Variants in RBBP5 observed in about 807,000 individuals in gnomAD.
RBBP5 encodes retinoblastoma-binding protein 5.
A neutral mutation model predicts 72.2 loss-of-function variants in RBBP5; 5 were observed. The ratio of observed to expected loss-of-function variants is 0.07; its 90% CI spans 0.04 to 0.15. RBBP5 has a LOEUF of 0.15. RBBP5 is among the 10% of genes least tolerant of loss of function. The pLI is 1.00. For missense variants in RBBP5, 322 were observed against 652.2 expected, an observed-to-expected ratio of 0.49 and a Z score of 5.51; for synonymous variants, 209 against 237.2, an observed-to-expected ratio of 0.88 and a Z score of 1.09.
At position 205,101,631 on chromosome 1, in the gene RBBP5, T is replaced by A; in HGVS notation, c.601A>T (p.Ile201Phe). 2 of 1,613,144 alleles carry A rather than the reference T, an allele frequency of 1.2e-6. No individual in the cohort carries two copies. The highest frequency in any genetic ancestry group is 1.7e-6 in the Non-Finnish European group (2 of 1,179,574). Reference protein sequence around the residue: ...VTTGTSNTTAIKSIEFARKGS... With the variant: ...VTTGTSNTTAFKSIEFARKGS... ...TTCCGGGCAAACTCAATTGACTTAA[T>A]GGCTGTGGTATTGCTTGTTCCAGTT... The change falls in exon 6 of 14, where the codon ATT (isoleucine) becomes TTT (phenylalanine). Residue 201 changes from isoleucine (I) to phenylalanine (F), a missense_variant. Ile to Phe is a conservative substitution (Grantham distance 21). Coordinates refer to ENST00000264515, the MANE Select transcript of RBBP5 (RefSeq NM_005057.4).
chr1:205,097,038 C>A (rs1655646038), intron 11 of RBBP5, 127 bp from the exon 12 acceptor site: 2 of 823,690 alleles, frequency 2.4e-6, no homozygotes, highest in Admixed American at 3.0e-5. Flanking sequence ...TTAAGAAAGC[C>A]AAGAAGAATA....
intron 1 of RBBP5, among the ~76,000 whole-genome samples, chr1:205,120,214 T>G (rs1558584821): frequency 1.3e-5 from 2 of 152,228 alleles, no homozygotes; most frequent in South Asian, 4.1e-4. Flanking sequence ...GGTTTTACAC[T>G]CCTCCAAAAC....
At chr1:205,121,468 A>G (rs1656734529) in intron 1 of RBBP5, among the ~76,000 whole-genome samples, 1 of 152,132 alleles carries the variant, frequency 6.6e-6, no homozygotes, top group Non-Finnish European at 1.5e-5. Context: ...TTTCTACAAA[A>G]AGATTAACCT....
At chr1:205,093,515 TATATATATATATATATATAC>T (rs1558570419) in intron 13 of RBBP5, among the ~76,000 whole-genome samples, 21 of 13,660 alleles carry the variant, frequency 1.5e-3, no homozygotes, top group African/African-American at 9.8e-3. Context: ...TATATATATA[TATATATATATATATATATAC>T]ACACACACAC....
chr1:205,107,869 C>T (rs1381443369), intron 3 of RBBP5, among the ~76,000 whole-genome samples: 2 of 150,312 alleles, frequency 1.3e-5, no homozygotes, highest in Admixed American at 6.7e-5. Flanking sequence ...TCGCTTGAAA[C>T]CAGGAGGCAG....
Position 205,088,800 on chromosome 1 carries a change from G to A in RBBP5, c.1604C>T (p.Ser535Leu), listed in dbSNP as rs1476223059. 6.3e-7 allele frequency: 1 copy of A among 1,590,078 alleles called. No individual in the cohort carries two copies. The highest frequency in any genetic ancestry group is 1.8e-5 in the Admixed American group (1 of 54,810). ...SQPLTAGGAI[S>L]ELL Reference sequence around the variant, plus strand: ...CTTCGAAGGTCTTCATAACAGTTCTGAGATTGCTCCTCCTGCTAAAGAGAT... The same window carrying A: ...CTTCGAAGGTCTTCATAACAGTTCTAAGATTGCTCCTCCTGCTAAAGAGAT... Residue 535 changes from serine to leucine, a missense_variant, in exon 14 of 14, where the codon TCA (serine) becomes TTA (leucine). By Grantham distance (145) the Ser-to-Leu change is moderately radical (BLOSUM62 -2). Around this residue, in one of 6 missense-constraint regions of RBBP5, gnomAD observed 109 missense variants for 146.3 expected, o/e 0.75. Coordinates refer to ENST00000264515, the MANE Select transcript of RBBP5 (RefSeq NM_005057.4).
chr1:205,096,939 T>A (rs780317725), intron 11 of RBBP5, 28 bp from the exon 12 acceptor site: 8 of 1,538,168 alleles, frequency 5.2e-6, no homozygotes, highest in Non-Finnish European at 6.1e-6. Flanking sequence ...AGACAAGGGA[T>A]TGGAAAAAAG....
At chr1:205,115,715 T>C (rs574345504) in intron 2 of RBBP5, 143 bp downstream of exon 2, 3 of 1,104,836 alleles carry the variant, frequency 2.7e-6, no homozygotes, top group Admixed American at 6.0e-5. Flanking sequence ...AATTGTACAC[T>C]AGCTCCTTAT....
rs772625864 is a variant in RBBP5, at chr1:205,096,802, A to T, written c.1276T>A (p.Ser426Thr). The T allele has an allele frequency of 6.8e-6, 11 of 1,613,982 alleles. No individual in the cohort carries two copies. The highest frequency in any genetic ancestry group is 8.5e-6 in the Non-Finnish European group (10 of 1,180,036). ...YGPPPDAVQTSLMDEGASSEK... is the reference protein window; with the variant it reads ...YGPPPDAVQTTLMDEGASSEK... ...GAACTAGCCCCTTCATCCATCAAGGAGGTTTGGACTGCATCCGGTGGGGGG... is the reference window on the plus strand; with the variant it reads ...GAACTAGCCCCTTCATCCATCAAGGTGGTTTGGACTGCATCCGGTGGGGGG... Residue 426 changes from serine to threonine, a missense_variant, in exon 12 of 14, where the codon TCC becomes ACC. Physicochemically the swap from Ser to Thr is moderately conservative, Grantham distance 58 (BLOSUM62 1). Transcript: ENST00000264515.
chr1:205,102,163 T>C (rs1010156573), intron 5 of RBBP5, among the ~76,000 whole-genome samples: 6 of 152,220 alleles, frequency 3.9e-5, no homozygotes, highest in Non-Finnish European at 8.8e-5. Context: ...CCCAAAGTGC[T>C]GGGATTACAG....
intron 1 of RBBP5, among the ~76,000 whole-genome samples, chr1:205,116,652 A>G (rs569054077): frequency 4.6e-5 from 7 of 152,190 alleles, no homozygotes; most frequent in Non-Finnish European, 5.9e-5. Flanking sequence ...CGTCTCTACT[A>G]AAAATACAAA....
chr1:205,100,461 A>C (rs1558574445), intron 6 of RBBP5, among the ~76,000 whole-genome samples, 190 bp from the exon 7 acceptor site: 2 of 152,250 alleles, frequency 1.3e-5, no homozygotes, highest in Non-Finnish European at 2.9e-5. Context: ...CTTCCTGTGT[A>C]TCCCTGAACC....
chr1:205,101,483 T>C, intron 6 of RBBP5, 117 bp downstream of exon 6: 1 of 656,022 alleles, frequency 1.5e-6, no homozygotes, highest in Non-Finnish European at 2.4e-6. Flanking sequence ...CTAAAAACCT[T>C]AAGTACATTT....
At position 205,093,458 on chromosome 1, in the gene RBBP5, C is replaced by CCAAAAAAAAAAAAAAAAAAAA. The variant is rs1553352080; in HGVS notation, c.1588+1414_1588+1415insTTTTTTTTTTTTTTTTTTTTG. On this transcript the variant is annotated intron_variant, in intron 13 of 13. Transcript: ENST00000264515. ...TGGGGACAAGAGTGAAACTCCGTTT[C>CCAAAAAAAAAAAAAAAAAAAA]AAAAAAAAAAAAAAAAAAAAAATAT... is the stretch of plus-strand genomic sequence containing the variant. Among the ~76,000 whole-genome samples the CCAAAAAAAAAAAAAAAAAAAA allele has an allele frequency of 3.3e-4, 6 of 18,326 alleles. 2 individuals carry two copies. The highest frequency in any genetic ancestry group is 1.2e-3 in the Admixed American group (1 of 868). 12.0% of individuals were successfully genotyped at this position (18,326 alleles called of 152,430 possible). A position where few individuals can be genotyped will look rare whatever the true frequency, so the allele number is the denominator to read the frequency against.
In RBBP5 at chr1:205,094,861, A is replaced by G. The variant is rs374030419; in HGVS notation, c.1588+12T>C. 22 of 1,606,912 alleles carry G rather than the reference A, an allele frequency of 1.4e-5. No homozygotes were observed. Among genetic ancestry groups the G allele is most frequent in the South Asian group, 4.4e-5 (4 of 90,326 alleles). On this transcript the variant is annotated intron_variant, in intron 13 of 13. Coordinates refer to ENST00000264515, the MANE Select transcript of RBBP5 (RefSeq NM_005057.4). ...CGAAGCAAGCCAGACAATGCTCCCA[A>G]TGTGTCCTTACCTGTCAAGGGCTGG... is the stretch of plus-strand genomic sequence containing the variant.
rs1320801482 is a variant in RBBP5 at position 205,094,886 on chromosome 1, G to A, written c.1575C>T (p.Ser525=). 1 of 1,613,660 alleles carries A rather than the reference G, an allele frequency of 6.2e-7. No homozygotes were observed. The highest frequency in any genetic ancestry group is 1.1e-5 in the South Asian group (1 of 91,010). ...ATGTGTCCTTACCTGTCAAGGGCTG[G>A]CTGAGTTCCGCCTGCACTTTACCCT... ...SAKGKVQAEL[S]QPLTAGGAIS... is the part of the protein sequence containing the mutation. Residue 525 remains serine (S), a synonymous_variant, in exon 13 of 14, where the codon AGC becomes AGT. Coordinates refer to ENST00000264515, the MANE Select transcript of RBBP5 (RefSeq NM_005057.4).
In RBBP5 at chr1:205,112,273, G is replaced by A. The variant is rs190716182; in HGVS notation, c.218+2516C>T. 1.2e-3 allele frequency among the ~76,000 whole-genome samples: 183 copies of A among 152,070 alleles called. 1 individual carries two copies. The highest frequency in any genetic ancestry group is 4.2e-3 in the African/African-American group (174 of 41,484). On this transcript the variant is annotated intron_variant, in intron 3 of 13. Transcript: ENST00000264515. ...GTGGAGGTTGCAGTGAGCCGAGATCGCACCACTGCATTCCAGCCTGGGCAA... is the reference window on the plus strand; with the variant it reads ...GTGGAGGTTGCAGTGAGCCGAGATCACACCACTGCATTCCAGCCTGGGCAA...
intron 5 of RBBP5, among the ~76,000 whole-genome samples, chr1:205,102,391 G>C (rs1186179003): frequency 6.6e-6 from 1 of 152,132 alleles, no homozygotes; most frequent in African/African-American, 2.4e-5. Context: ...ATGAAACTAA[G>C]TGAAATAAGC....
chr1:205,106,196 A>C (rs1032428796), intron 3 of RBBP5, among the ~76,000 whole-genome samples: 2 of 152,238 alleles, frequency 1.3e-5, no homozygotes, highest in Non-Finnish European at 2.9e-5. Flanking sequence ...AATGAGGCCA[A>C]GTAAGAAGAA....
Sources: gnomAD v4.1 joint callset for allele counts (sites outside exome capture counted in the v4.1 genomes callset) on GRCh38, gnomAD v4.1.1 for gene constraint, gnomAD v4.1.1 regional missense constraint, MANE v1.5 for transcripts, NCBI Gene and HGNC (gene_info 2026-07-23, HGNC 2026-07-21) for gene names.